YIPF2: variants seen among roughly 807,000 people sequenced by gnomAD.
YIPF2 encodes the protein Yip1 domain family member 2, also known as protein YIPF2.
Under a neutral mutation model 38.8 loss-of-function variants are expected in YIPF2, and 30 were observed. The ratio of observed to expected loss-of-function variants is 0.77; its 90% CI spans 0.58 to 1.05. The LOEUF (loss-of-function observed/expected upper bound fraction) is 1.05, where lower values mean the gene tolerates loss of function less well. YIPF2 is among the 50% of genes least tolerant of loss of function. YIPF2 has a pLI of 0.00. For missense variants in YIPF2, 401 were observed against 409.7 expected (o/e 0.98, Z 0.18); for synonymous variants, 194 against 183.8 (o/e 1.06, Z -0.45).
chr19:10,925,836 G>C, intron 4 of YIPF2, 63 bp from the exon 5 acceptor site: 1 of 1,533,976 alleles, frequency 6.5e-7, no homozygotes, highest in Non-Finnish European at 8.9e-7. Flanking sequence ...GTCCTGAGAG[G>C]CTCCTTCCCT....
intron 5 of YIPF2, among the ~76,000 whole-genome samples, chr19:10,925,107 C>T (rs532639288): frequency 2.0e-5 from 3 of 152,106 alleles, no homozygotes; most frequent in African/African-American, 7.2e-5. Context: ...TGGCACGTGC[C>T]TGTAATCCCA....
rs760937357 is a variant in YIPF2, at chr19:10,923,916, C to T, written c.568G>A (p.Val190Ile). 5.0e-6 allele frequency: 8 copies of T among 1,613,216 alleles called. No homozygotes were observed. The African/African-American group carries it at 1.1e-4, about 22-fold the overall frequency. Residue 190 changes from valine (V) to isoleucine (I), a missense_variant, in exon 7 of 10, where the codon GTC becomes ATC. Physicochemically the swap from Val to Ile is conservative, Grantham distance 29. Coordinates refer to ENST00000586748, the MANE Select transcript of YIPF2 (RefSeq NM_001321439.2). ...LWGFLRWRKG[V>I]QERMGPYTFL... The stretch of plus-strand genomic sequence containing the variant: ...GTGTAGGGCCCCATGCGCTCCTGGA[C>T]ACCCTTGCGCCACCGCAGGAAGCCC...
intron 5 of YIPF2, among the ~76,000 whole-genome samples, chr19:10,924,554 G>A (rs1420817687): frequency 6.6e-6 from 1 of 152,046 alleles, no homozygotes; most frequent in Non-Finnish European, 1.5e-5. Flanking sequence ...CAAGCCCAGG[G>A]CCTTATGCCT....
rs780766390 is a variant in YIPF2, at chr19:10,923,336, G to A, written c.906C>T (p.Asn302=). ...GCGGCAAGGTAGGGGACAGCGCGAT[G>A]TTTGAGGGCAGAGATGTGATTTGGG... ...PPPQITSLPS[N]IALSPTLPQS... is the part of the protein sequence containing the mutation. Residue 302 remains asparagine (N), a synonymous_variant, in exon 9 of 10, where the codon AAC becomes AAT. Coordinates refer to ENST00000586748, the MANE Select transcript of YIPF2 (RefSeq NM_001321439.2). 9 of 1,613,206 alleles carry A rather than the reference G, an allele frequency of 5.6e-6. No individual in the cohort carries two copies. Among genetic ancestry groups the A allele is most frequent in the Non-Finnish European group, 7.6e-6 (9 of 1,179,586 alleles).
At chr19:10,926,532 C>T (rs1399169986) in intron 4 of YIPF2, among the ~76,000 whole-genome samples, 1 of 151,038 alleles carries the variant, frequency 6.6e-6, no homozygotes, top group African/African-American at 2.4e-5. Context: ...GGCCTCAGCA[C>T]CCCCTTTTTC....
chr19:10,925,935 G>T (rs1323603153), intron 4 of YIPF2, among the ~76,000 whole-genome samples, 162 bp from the exon 5 acceptor site: 1 of 143,072 alleles, frequency 7.0e-6, no homozygotes, highest in Non-Finnish European at 1.5e-5. Context: ...TTGAGACAGA[G>T]TCTTGCTCTG....
In YIPF2 at chr19:10,923,851, A is replaced by G; in HGVS notation, c.633T>C (p.Phe211=). The change falls in exon 7 of 10, where the codon TTT becomes TTC. Residue 211 remains phenylalanine, a synonymous_variant. Transcript: ENST00000586748. ...CACTCACCACCATGGGGATGAAGAC[A>G]AAGAGGGAGTAGCCGTAGATGCACA... ...ETVCIYGYSL[F]VFIPMVVLWL... is the part of the protein sequence containing the mutation. 1 of 1,612,772 alleles carries G rather than the reference A, an allele frequency of 6.2e-7. No homozygotes were observed. Among genetic ancestry groups the G allele is most frequent in the Non-Finnish European group, 8.5e-7 (1 of 1,179,292 alleles).
intron 6 of YIPF2, 27 bp from the exon 7 acceptor site, chr19:10,924,026 C>A (rs1367993480): frequency 1.2e-6 from 2 of 1,612,530 alleles, no homozygotes; most frequent in African/African-American, 2.7e-5. Context: ...GAGCAGTCAC[C>A]CCCTGTACCC....
intron 7 of YIPF2, 29 bp from the exon 8 acceptor site, chr19:10,923,706 T>C (rs755200220): frequency 1.1e-5 from 17 of 1,589,462 alleles, no homozygotes; most frequent in Non-Finnish European, 1.5e-5. Context: ...CAGGTGACCA[T>C]GCCAGTCCCC....
Position 10,922,981 on chromosome 19 carries a change from C to T in YIPF2, c.*213G>A. On this transcript the variant is annotated 3_prime_UTR_variant, in exon 10 of 10. Coordinates refer to ENST00000586748, the MANE Select transcript of YIPF2 (RefSeq NM_001321439.2). ...GGATATGGGGGCCCCAGCCCTGTCCCAAAGCTCCCTGCTCGGCTGCCCCTC... is the reference window on the plus strand; with the variant it reads ...GGATATGGGGGCCCCAGCCCTGTCCTAAAGCTCCCTGCTCGGCTGCCCCTC... 1 of 264,118 alleles carries T rather than the reference C, an allele frequency of 3.8e-6. No homozygotes were observed. Among genetic ancestry groups the T allele is most frequent in the Non-Finnish European group, 7.2e-6 (1 of 139,614 alleles). 16.4% of individuals were successfully genotyped at this position (264,118 alleles called of 1,614,324 possible).
chr19:10,927,118 C>T (rs2083437529), intron 4 of YIPF2, among the ~76,000 whole-genome samples: 2 of 152,290 alleles, frequency 1.3e-5, no homozygotes, highest in Admixed American at 1.3e-4. Context: ...GGTGATCCAC[C>T]CACCCAGGCC....
At chr19:10,928,291 T>C (rs2083458348) in intron 2 of YIPF2, 89 bp downstream of exon 2, 3 of 1,312,746 alleles carry the variant, frequency 2.3e-6, no homozygotes, top group East Asian at 5.9e-5. Flanking sequence ...CGCCTAGGCT[T>C]CGGGGTAGAG....
intron 2 of YIPF2, 60 bp from the exon 3 acceptor site, chr19:10,928,019 C>T (rs1416797677): frequency 1.5e-5 from 23 of 1,563,276 alleles, no homozygotes; most frequent in Non-Finnish European, 2.0e-5. Flanking sequence ...CTCGACTGGG[C>T]CCAAGCTAAA....
At chr19:10,926,334 C>A (rs1326450418) in intron 4 of YIPF2, among the ~76,000 whole-genome samples, 1 of 152,014 alleles carries the variant, frequency 6.6e-6, no homozygotes, top group Non-Finnish European at 1.5e-5. Flanking sequence ...TCACACCATT[C>A]TCCTGCCTCA....
In YIPF2 at chr19:10,922,924, A is replaced by C; in HGVS notation, c.*270T>G. On this transcript the variant is annotated 3_prime_UTR_variant, in exon 10 of 10. Coordinates refer to ENST00000586748, the MANE Select transcript of YIPF2 (RefSeq NM_001321439.2). Reference sequence around the variant, plus strand: ...TTGGCTCTCCCTCCTGTTCCAGGGGAGCCATAGGAGGGAAAGCAGGTGGCC... The same window carrying C: ...TTGGCTCTCCCTCCTGTTCCAGGGGCGCCATAGGAGGGAAAGCAGGTGGCC... 1 of 187,770 alleles carries C rather than the reference A, an allele frequency of 5.3e-6. No homozygotes were observed. Among genetic ancestry groups the C allele is most frequent in the Non-Finnish European group, 1.1e-5 (1 of 92,550 alleles). 11.6% of individuals were successfully genotyped at this position (187,770 alleles called of 1,614,324 possible). A position where few individuals can be genotyped will look rare whatever the true frequency, so the allele number is the denominator to read the frequency against.
rs775153940 is a variant in YIPF2, at chr19:10,923,421, C to T, written c.835-14G>A. ...GAAGAAGTACAACTGCACAAGACCCCTGGGGTCAGAGGCAGGGCCAGCCCA... is the reference window on the plus strand; with the variant it reads ...GAAGAAGTACAACTGCACAAGACCCTTGGGGTCAGAGGCAGGGCCAGCCCA... On this transcript the variant is annotated splice_polypyrimidine_tract_variant and intron_variant, in intron 8 of 9. Transcript: ENST00000586748. 3 of 1,613,386 alleles carry T rather than the reference C, an allele frequency of 1.9e-6. No homozygotes were observed. Among genetic ancestry groups the T allele is most frequent in the African/African-American group, 1.3e-5 (1 of 74,894 alleles).
Position 10,928,401 on chromosome 19 carries a change from C to T in YIPF2, c.10G>A (p.Ala4Thr). MASADELTFHEFEE... is the reference protein window; with the variant it reads MASTDELTFHEFEE... The stretch of plus-strand genomic sequence containing the variant: ...TCACCATGGAAGGTCAGCTCGTCGG[C>T]CGATGCCATGGTCGTTCAGGGGCGT... The change falls in exon 2 of 10, where the codon GCC (alanine) becomes ACC (threonine). Residue 4 changes from alanine (A) to threonine (T), a missense_variant. By Grantham distance (58) the Ala-to-Thr change is moderately conservative. Coordinates refer to ENST00000586748, the MANE Select transcript of YIPF2 (RefSeq NM_001321439.2). 2.2e-6 allele frequency: 3 copies of T among 1,334,244 alleles called. No homozygotes were observed. Among genetic ancestry groups the T allele is most frequent in the Non-Finnish European group, 2.9e-6 (3 of 1,037,678 alleles). 82.7% of individuals were successfully genotyped at this position (1,334,244 alleles called of 1,614,324 possible). A position where few individuals can be genotyped will look rare whatever the true frequency, so the allele number is the denominator to read the frequency against.
At chr19:10,926,067 C>CCCG (rs2083420310) in intron 4 of YIPF2, among the ~76,000 whole-genome samples, 1 of 151,676 alleles carries the variant, frequency 6.6e-6, no homozygotes, top group African/African-American at 2.4e-5. Flanking sequence ...TGTGCCACCA[C>CCCG]GCCTGGCTAA....
intron 4 of YIPF2, among the ~76,000 whole-genome samples, chr19:10,926,198 A>T (rs934350869): frequency 6.7e-6 from 1 of 148,778 alleles, no homozygotes; most frequent in African/African-American, 2.5e-5. Flanking sequence ...GGCGTGAGCC[A>T]CCGTTCCCAG....
Sources: allele counts gnomAD v4.1 joint callset (sites outside exome capture counted in the v4.1 genomes callset), GRCh38; gene constraint gnomAD v4.1.1; transcripts MANE v1.5; gene names NCBI Gene and HGNC (gene_info 2026-07-23, HGNC 2026-07-21).